Variants in MDGA2 observed in about 807,000 individuals in gnomAD.
MDGA2 encodes the protein MAM domain-containing glycosylphosphatidylinositol anchor protein 2.
MDGA2 carries 40 observed loss-of-function variants against 117.8 expected under a neutral mutation model. The ratio of observed to expected loss-of-function variants is 0.34; its 90% confidence interval spans 0.26 to 0.44. The LOEUF is 0.44. Among genes scored for constraint, MDGA2 ranks in the 20% least tolerant of loss-of-function variants. The pLI, the probability that MDGA2 is intolerant of heterozygous loss-of-function variation, is 1.00. For synonymous variants in MDGA2, 452 were observed against 439.0 expected, an observed-to-expected ratio of 1.03 and a Z score of -0.37; for missense variants, 1,123 against 1,250.6, an observed-to-expected ratio of 0.90 and a Z score of 1.54.
chr14:47,359,042 C>CAT (rs1218283370), intron 1 of MDGA2, among the ~76,000 whole-genome samples: 1 of 152,120 alleles, frequency 6.6e-6, no homozygotes, highest in Non-Finnish European at 1.5e-5. Flanking sequence ...AAGTTGAAGA[C>CAT]ATCATATGTC....
intron 5 of MDGA2, among the ~76,000 whole-genome samples, chr14:47,101,688 T>A (rs920621522): frequency 3.9e-5 from 6 of 152,204 alleles, no homozygotes; most frequent in African/African-American, 1.4e-4. Context: ...TCAGGAAATA[T>A]ATGCCTGTCA....
At chr14:47,499,309 A>G (rs913008543) in intron 1 of MDGA2, among the ~76,000 whole-genome samples, 11 of 152,124 alleles carry the variant, frequency 7.2e-5, no homozygotes, top group Non-Finnish European at 1.5e-4. Flanking sequence ...GATTTGCTAT[A>G]AAGGTGAGCT....
intron 1 of MDGA2, among the ~76,000 whole-genome samples, chr14:47,418,730 T>G (rs1892522384): frequency 6.6e-6 from 1 of 152,158 alleles, no homozygotes; most frequent in African/African-American, 2.4e-5. Flanking sequence ...GCTAGCATCT[T>G]ATTGCAATTT....
At chr14:47,587,932 T>C (rs1896356069) in intron 1 of MDGA2, among the ~76,000 whole-genome samples, 1 of 151,916 alleles carries the variant, frequency 6.6e-6, no homozygotes, top group Non-Finnish European at 1.5e-5. Context: ...TCTTTTCCTA[T>C]GAATTTGCCT....
intron 1 of MDGA2, among the ~76,000 whole-genome samples, chr14:47,548,964 G>A (rs1456821290): frequency 6.6e-6 from 1 of 152,088 alleles, no homozygotes; most frequent in African/African-American, 2.4e-5. Flanking sequence ...ACTCCTGAGT[G>A]ATAGGCCTTT....
At chr14:47,359,487 T>G (rs1384170159) in intron 1 of MDGA2, among the ~76,000 whole-genome samples, 3 of 151,744 alleles carry the variant, frequency 2.0e-5, no homozygotes, top group Non-Finnish European at 4.4e-5. Flanking sequence ...AGAAACAAAC[T>G]CAAGCATATA....
At chr14:47,605,804 C>T (rs11157567) in intron 1 of MDGA2, among the ~76,000 whole-genome samples, 58,597 of 151,898 alleles carry the variant, frequency 0.39, 12,185 homozygotes, top group East Asian at 0.67. Flanking sequence ...TTTGATCATA[C>T]GGTATACACA....
chr14:47,492,664 C>A (rs1894195922), intron 1 of MDGA2, among the ~76,000 whole-genome samples: 1 of 152,098 alleles, frequency 6.6e-6, no homozygotes, highest in Admixed American at 6.6e-5. Flanking sequence ...ATCACATTAT[C>A]TGTGCTTATT....
chr14:47,491,104 A>G (rs1403383330), intron 1 of MDGA2, among the ~76,000 whole-genome samples: 1 of 152,142 alleles, frequency 6.6e-6, no homozygotes, highest in Admixed American at 6.6e-5. Flanking sequence ...GATTTTTAGG[A>G]AATAATTATA....
At chr14:47,633,283 C>T (rs906391461) in intron 1 of MDGA2, among the ~76,000 whole-genome samples, 1 of 152,020 alleles carries the variant, frequency 6.6e-6, no homozygotes, top group South Asian at 2.1e-4. Context: ...TTCTGGACAC[C>T]TGACACAGAG....
intron 7 of MDGA2, among the ~76,000 whole-genome samples, chr14:47,058,352 A>G (rs989952630): frequency 3.3e-5 from 5 of 152,192 alleles, no homozygotes; most frequent in Admixed American, 6.6e-5. Context: ...CCATTTGGTC[A>G]ATGCTCAATT....
intron 3 of MDGA2, among the ~76,000 whole-genome samples, chr14:47,192,137 G>A (rs1885136096): frequency 6.6e-6 from 1 of 152,202 alleles, no homozygotes; most frequent in Non-Finnish European, 1.5e-5. Context: ...GTGGAGATAA[G>A]TGTGAGATGG....
At chr14:46,851,410 C>A (rs893429442) in intron 15 of MDGA2, among the ~76,000 whole-genome samples, 10 of 151,776 alleles carry the variant, frequency 6.6e-5, no homozygotes, top group African/African-American at 2.4e-4. Flanking sequence ...CCCAATGTAG[C>A]AAAATCTGTT....
chr14:47,185,860 G>T (rs1011240156), intron 3 of MDGA2, among the ~76,000 whole-genome samples: 3 of 151,100 alleles, frequency 2.0e-5, no homozygotes, highest in Non-Finnish European at 4.4e-5. Flanking sequence ...ATATTTAGTC[G>T]CATTAAGATA....
intron 3 of MDGA2, among the ~76,000 whole-genome samples, chr14:47,201,284 C>G (rs1171031996): frequency 6.6e-6 from 1 of 152,194 alleles, no homozygotes; most frequent in Non-Finnish European, 1.5e-5. Context: ...CTCACTAACT[C>G]CATATTCCCT....
chr14:47,666,743 T>G lies in MDGA2; in HGVS notation c.280+7774A>C, dbSNP rs570552260. On this transcript the variant is annotated intron_variant, in intron 1 of 16. Transcript: ENST00000399232. ...TCCACACTGTGGAAGCTTTGTTCTT[T>G]CACTCTTTGCAATAAATCTTGCTGT... 9.5e-4 allele frequency among the ~76,000 whole-genome samples: 144 copies of G among 152,252 alleles called. 1 individual carries two copies. Among genetic ancestry groups the G allele is most frequent in the African/African-American group, 3.4e-3 (140 of 41,556 alleles).
chr14:47,640,518 G>GA (rs1398327190), intron 1 of MDGA2, among the ~76,000 whole-genome samples: 1 of 151,912 alleles, frequency 6.6e-6, no homozygotes, highest in Admixed American at 6.6e-5. Flanking sequence ...AAAATTTGTG[G>GA]AGGGATTTCT....
chr14:47,645,512 G>C (rs1272042425), intron 1 of MDGA2, among the ~76,000 whole-genome samples: 2 of 151,830 alleles, frequency 1.3e-5, no homozygotes, highest in African/African-American at 4.8e-5. Flanking sequence ...GGGATTACAG[G>C]CGTGAGCCAC....
chr14:47,184,695 C>T (rs1884842396), intron 3 of MDGA2, among the ~76,000 whole-genome samples: 1 of 151,664 alleles, frequency 6.6e-6, no homozygotes, highest in Non-Finnish European at 1.5e-5. Context: ...AAAAGTAGAG[C>T]ATAATATTCT....
Sources: allele counts gnomAD v4.1 joint callset (sites outside exome capture counted in the v4.1 genomes callset), GRCh38; gene constraint gnomAD v4.1.1; transcripts MANE v1.5; gene names NCBI Gene and HGNC (gene_info 2026-07-23, HGNC 2026-07-21).